DNAH12: variants seen among roughly 807,000 people sequenced by gnomAD.
DNAH12 encodes dynein axonemal heavy chain 12.
A neutral mutation model predicts 371.5 loss-of-function variants in DNAH12; 285 were observed. The ratio of observed to expected loss-of-function variants is 0.77; its 90% CI spans 0.70 to 0.85. DNAH12 has a LOEUF of 0.85. DNAH12 is among the 40% of genes least tolerant of loss of function. The pLI, the probability that DNAH12 is intolerant of heterozygous loss-of-function variation, is 0.00. For missense variants in DNAH12, 3,611 were observed against 3,689.4 expected (o/e 0.98, Z 0.55); for synonymous variants, 1,200 against 1,213.0 (o/e 0.99, Z 0.22).
chr3:57,496,865 A>G (rs2067340777), intron 11 of DNAH12, among the ~76,000 whole-genome samples: 11 of 152,128 alleles, frequency 7.2e-5, no homozygotes, highest in Admixed American at 7.2e-4. Flanking sequence ...GCTACTCAGG[A>G]GGCTGAGACA....
chr3:57,433,892 T>C (rs1041719516), intron 30 of DNAH12, 64 bp from the exon 31 acceptor site: 12 of 1,282,716 alleles, frequency 9.4e-6, no homozygotes, highest in Non-Finnish European at 1.2e-5. Context: ...TTTATATCAG[T>C]ATATAAAACT....
chr3:57,427,701 A>G (rs1302129961), intron 34 of DNAH12, among the ~76,000 whole-genome samples: 2 of 151,744 alleles, frequency 1.3e-5, no homozygotes, highest in African/African-American at 4.8e-5. Context: ...CTCCATCTCA[A>G]AAATAAAATA....
intron 35 of DNAH12, among the ~76,000 whole-genome samples, chr3:57,422,658 AAAAT>A (rs201888655): frequency 0.024 from 3,614 of 152,314 alleles, 68 homozygotes; most frequent in Admixed American, 0.035. Flanking sequence ...TTTTAAAACA[AAAAT>A]AAATAAATAA....
intron 4 of DNAH12, among the ~76,000 whole-genome samples, chr3:57,518,839 T>C (rs939257689): frequency 2.0e-5 from 3 of 152,096 alleles, no homozygotes; most frequent in Non-Finnish European, 4.4e-5. Context: ...TTCTGAGGTA[T>C]TTGTGCAAAA....
upstream of DNAH12, among the ~76,000 whole-genome samples, chr3:57,546,427 A>C (rs1386480215): frequency 2.0e-5 from 3 of 152,174 alleles, no homozygotes; most frequent in South Asian, 6.2e-4. Context: ...CTGCATCCTC[A>C]AACTCCTGGG....
rs945610741 is a variant in DNAH12, at chr3:57,296,498, C to T, written c.11533-63G>A. 6 of 1,264,108 alleles carry T rather than the reference C, an allele frequency of 4.7e-6. No homozygotes were observed. The African/African-American group carries it at 8.9e-5, about 19-fold the overall frequency. 78.3% of individuals were successfully genotyped at this position (1,264,108 alleles called of 1,614,324 possible). Reference sequence around the variant, plus strand: ...AGACAACTTCATCTCATAAAGAACACATTAGCGAAATATTCAGAACACATT... The same window carrying T: ...AGACAACTTCATCTCATAAAGAACATATTAGCGAAATATTCAGAACACATT... On this transcript the variant is annotated intron_variant, in intron 71 of 73. Transcript: ENST00000495027.
At chr3:57,327,316 T>A (rs569013710) in intron 62 of DNAH12, among the ~76,000 whole-genome samples, 2,361 of 150,874 alleles carry the variant, frequency 0.016, 67 homozygotes, top group African/African-American at 0.055. Context: ...GAAGTAAAGC[T>A]CTCCTCAGCA....
At position 57,468,801 on chromosome 3, in the gene DNAH12, C is replaced by T. The variant is rs2066278393; in HGVS notation, c.2284G>A (p.Glu762Lys). The T allele has an allele frequency of 6.5e-7, 1 of 1,534,084 alleles. No individual in the cohort carries two copies. Among genetic ancestry groups the T allele is most frequent in the African/African-American group, 1.4e-5 (1 of 71,348 alleles). ...GTAATAGTAGCATTGTCTTTTGGTT[C>T]TTCTTCAATTTTCTCTTCTTCCAAA... ...RSLEEEKIEE[E>K]PKDNATITMC... Residue 762 changes from glutamate (E) to lysine (K), a missense_variant, in exon 17 of 74, where the codon GAA (glutamate) becomes AAA (lysine). Transcript: ENST00000495027.
chr3:57,446,629 T>A lies in DNAH12; in HGVS notation c.3847A>T (p.Thr1283Ser), dbSNP rs2065507459. The A allele has an allele frequency of 4.5e-6, 7 of 1,549,978 alleles. No individual in the cohort carries two copies. The highest frequency in any genetic ancestry group is 6.1e-6 in the Non-Finnish European group (7 of 1,146,000). The change falls in exon 26 of 74, where the codon ACC becomes TCC. Residue 1283 changes from threonine to serine, a missense_variant. By Grantham distance (58) the Thr-to-Ser change is moderately conservative. Around this residue, in one of 3 missense-constraint regions of DNAH12, gnomAD observed 2,266 missense variants for 2,236.9 expected, o/e 1.01. Coordinates refer to ENST00000495027, the MANE Select transcript of DNAH12 (RefSeq NM_001366028.2). ...TTAGCCAAGTCCTTGGTGGTTTCGG[T>A]TTTTCCTGTGCCTGCTGGCCCCTCT... The part of the protein sequence containing the change: ...APEGPAGTGK[T>S]ETTKDLAKAL...
At chr3:57,450,320 G>A (rs1448953637) in intron 25 of DNAH12, among the ~76,000 whole-genome samples, 1 of 151,444 alleles carries the variant, frequency 6.6e-6, no homozygotes, top group Non-Finnish European at 1.5e-5. Context: ...AGGCTGAGGT[G>A]GGCAGATCAC....
chr3:57,541,157 C>T (rs894024285), intron 2 of DNAH12, among the ~76,000 whole-genome samples: 29 of 151,408 alleles, frequency 1.9e-4, no homozygotes, highest in African/African-American at 6.8e-4. Context: ...CTCCTGCCTC[C>T]GCCTCCTGAG....
intron 8 of DNAH12, among the ~76,000 whole-genome samples, chr3:57,506,240 C>T (rs919940798): frequency 6.6e-6 from 1 of 151,980 alleles, no homozygotes; most frequent in Non-Finnish European, 1.5e-5. Flanking sequence ...GAGTGAGGTA[C>T]AGTGAAATGC....
intron 43 of DNAH12, among the ~76,000 whole-genome samples, chr3:57,400,466 G>A (rs1172810308): frequency 2.0e-5 from 3 of 152,102 alleles, no homozygotes; most frequent in Non-Finnish European, 4.4e-5. Flanking sequence ...ATCCATGGGG[G>A]ATACATTCCA....
chr3:57,380,932 C>CT (rs2063376792), intron 50 of DNAH12, among the ~76,000 whole-genome samples: 1 of 152,112 alleles, frequency 6.6e-6, no homozygotes, highest in African/African-American at 2.4e-5. Flanking sequence ...CTTTTGAAAA[C>CT]TTAAGCTACT....
chr3:57,390,424 A>AAAATAT, intron 45 of DNAH12, among the ~76,000 whole-genome samples: 4 of 33,442 alleles, frequency 1.2e-4, no homozygotes, highest in Non-Finnish European at 1.4e-4. Flanking sequence ...AAAAAAAAAA[A>AAAATAT]ATATATATAT....
rs1221293977 is a variant in DNAH12 at position 57,401,580 on chromosome 3, A to AAAG, written c.6948+1726_6948+1728dup. On this transcript the variant is annotated intron_variant, in intron 43 of 73. Transcript: ENST00000495027. ...CTCCATCTCAAAAAAAAAAAAAAAA[A>AAAG]AAGAAGAAGAAGAAGAAGAAAGACA... is the stretch of plus-strand genomic sequence containing the variant. 2.6e-3 allele frequency among the ~76,000 whole-genome samples: 340 copies of AAAG among 129,752 alleles called. 6 individuals are homozygous for AAAG. The highest frequency in any genetic ancestry group is 0.022 in the Middle Eastern group (5 of 232). The allele number at this position is 129,752 out of a possible 152,430, so 85.1% of individuals were successfully genotyped here.
At chr3:57,390,577 A>T (rs924867790) in intron 45 of DNAH12, among the ~76,000 whole-genome samples, 72 of 148,360 alleles carry the variant, frequency 4.9e-4, no homozygotes, top group Non-Finnish European at 8.4e-4. Context: ...ACCAGAAACT[A>T]TTTTTTTTCT....
intron 39 of DNAH12, among the ~76,000 whole-genome samples, chr3:57,408,953 T>TA (rs2064123116): frequency 6.6e-6 from 1 of 152,198 alleles, no homozygotes; most frequent in Admixed American, 6.5e-5. Context: ...AAGTAATTAT[T>TA]AATAACACTC....
chr3:57,384,004 G>C (rs2063451005), intron 49 of DNAH12, among the ~76,000 whole-genome samples: 2 of 152,096 alleles, frequency 1.3e-5, no homozygotes, highest in Non-Finnish European at 2.9e-5. Flanking sequence ...ACATGAAACA[G>C]TATTGATTAG....
Sources: gnomAD v4.1 joint callset for allele counts (sites outside exome capture counted in the v4.1 genomes callset) on GRCh38, gnomAD v4.1.1 for gene constraint, gnomAD v4.1.1 regional missense constraint, MANE v1.5 for transcripts, NCBI Gene and HGNC (gene_info 2026-07-23, HGNC 2026-07-21) for gene names.